Variants in WNT3 observed in about 807,000 individuals in gnomAD.
WNT3 encodes the protein proto-oncogene Wnt-3.
In WNT3, 7 loss-of-function variants were observed where a neutral mutation model predicts 34.2. The observed-to-expected ratio is 0.20, with a 90% CI of 0.12 to 0.38. The LOEUF is 0.38. Ranked by LOEUF, WNT3 falls within the 10% of genes least tolerant of loss-of-function variation. WNT3 has a pLI of 1.00. For synonymous variants in WNT3, 212 were observed against 211.5 expected (o/e 1.00, Z -0.02); for missense variants, 267 against 499.8 (o/e 0.53, Z 4.44).
intron 1 of WNT3, among the ~76,000 whole-genome samples, chr17:46,787,979 G>C (rs2059526101): frequency 2.0e-5 from 3 of 148,746 alleles, no homozygotes; most frequent in African/African-American, 7.4e-5. Flanking sequence ...AAAAAAAGAT[G>C]TAGCCTCCAC....
At chr17:46,772,771 A>T (rs1296565130) in intron 2 of WNT3, among the ~76,000 whole-genome samples, 1 of 151,106 alleles carries the variant, frequency 6.6e-6, no homozygotes, top group South Asian at 2.1e-4. Context: ...TTCCCCCCCA[A>T]CCCCACCCAG....
In WNT3 at chr17:46,769,879, G is replaced by A. The variant is rs764289789; in HGVS notation, c.492C>T (p.Phe164=). The A allele has an allele frequency of 3.7e-6, 6 of 1,613,640 alleles. No individual in the cohort carries two copies. The highest frequency in any genetic ancestry group is 3.3e-5 in the South Asian group (3 of 91,082). Residue 164 remains phenylalanine, a synonymous_variant, in exon 3 of 5, where the codon TTC becomes TTT. Coordinates refer to ENST00000225512, the MANE Select transcript of WNT3 (RefSeq NM_030753.5). ...CGAACTCCCTGGACACTAACACGCC[G>A]AAGTCAGCGTCCTCGCTGCAGCCGC... ...KWGGCSEDAD[F]GVLVSREFAD... is the part of the protein sequence containing the mutation.
In WNT3 at chr17:46,805,873, G is replaced by T. The variant is rs926433454; in HGVS notation, c.80+12645C>A. 7.9e-5 allele frequency among the ~76,000 whole-genome samples: 12 copies of T among 152,334 alleles called. No individual in the cohort carries two copies. In the East Asian group the frequency reaches 2.3e-3, roughly 29 times the overall value. On this transcript the variant is annotated intron_variant, in intron 1 of 4. Coordinates refer to ENST00000225512, the MANE Select transcript of WNT3 (RefSeq NM_030753.5). ...AACTTCCTGGCTGTGGTGTGGTGTG[G>T]TGTCACTGAAGGGCCTGGCTTCAGG... is the stretch of plus-strand genomic sequence containing the variant.
At chr17:46,790,626 CCT>C (rs1171955706) in intron 1 of WNT3, among the ~76,000 whole-genome samples, 2 of 152,168 alleles carry the variant, frequency 1.3e-5, no homozygotes, top group Non-Finnish European at 2.9e-5. Context: ...CAACCCGTCC[CCT>C]GTTTTCCAAC....
At chr17:46,764,968 G>A (rs2095011657) in intron 4 of WNT3, among the ~76,000 whole-genome samples, 1 of 152,268 alleles carries the variant, frequency 6.6e-6, no homozygotes, top group South Asian at 2.1e-4. Context: ...CCAACTCCAA[G>A]TCAACTGCTG....
Position 46,773,819 on chromosome 17 carries a change from G to A in WNT3, c.171C>T (p.Arg57=), listed in dbSNP as rs751215491. 5 of 1,613,440 alleles carry A rather than the reference G, an allele frequency of 3.1e-6. No homozygotes were observed. Among genetic ancestry groups the A allele is most frequent in the East Asian group, 4.5e-5 (2 of 44,898 alleles). ...SIPGLVPKQL[R]FCRNYIEIMP... is the part of the protein sequence containing the mutation. ...TGATCTCGATGTAATTGCGGCAGAA[G>A]CGCAGTTGCTTGGGGACCAGGCCTG... The change falls in exon 2 of 5, where the codon CGC becomes CGT. Residue 57 remains arginine (R), a synonymous_variant. Coordinates refer to ENST00000225512, the MANE Select transcript of WNT3 (RefSeq NM_030753.5).
At chr17:46,782,658 C>T (rs183379475) in intron 1 of WNT3, among the ~76,000 whole-genome samples, 2 of 152,294 alleles carry the variant, frequency 1.3e-5, no homozygotes, top group East Asian at 3.9e-4. Flanking sequence ...GTGTGCACAC[C>T]GTGGGGCTGG....
At chr17:46,809,341 G>A (rs961934246) in intron 1 of WNT3, among the ~76,000 whole-genome samples, 7 of 152,208 alleles carry the variant, frequency 4.6e-5, no homozygotes, top group Non-Finnish European at 2.9e-5. Flanking sequence ...TGGGCCCTGC[G>A]AGATTGGTTT....
At chr17:46,767,823 C>T (rs1383151238) in intron 4 of WNT3, among the ~76,000 whole-genome samples, 4 of 152,188 alleles carry the variant, frequency 2.6e-5, no homozygotes, top group East Asian at 1.9e-4. Flanking sequence ...CTCACTCTGT[C>T]GCCCAGGCTG....
intron 1 of WNT3, among the ~76,000 whole-genome samples, chr17:46,792,444 G>A (rs1273813839): frequency 5.9e-5 from 9 of 152,172 alleles, no homozygotes; most frequent in Non-Finnish European, 8.8e-5. Flanking sequence ...AAGGTAGTAA[G>A]GAGCCTATTC....
intron 1 of WNT3, among the ~76,000 whole-genome samples, chr17:46,810,251 A>G (rs1013940840): frequency 4.4e-4 from 66 of 151,070 alleles, no homozygotes; most frequent in African/African-American, 1.5e-3. Context: ...CAGGTGATCC[A>G]CCCGCCTCGG....
intron 1 of WNT3, among the ~76,000 whole-genome samples, chr17:46,775,313 C>T (rs2059404330): frequency 6.6e-6 from 1 of 152,154 alleles, no homozygotes; most frequent in South Asian, 2.1e-4. Flanking sequence ...GTGCCATGTG[C>T]CTTCCCCCGG....
chr17:46,801,066 T>C (rs1206449764), intron 1 of WNT3, among the ~76,000 whole-genome samples: 1 of 152,230 alleles, frequency 6.6e-6, no homozygotes, highest in African/African-American at 2.4e-5. Context: ...TAGTCTCACA[T>C]GCGTTATATC....
Position 46,810,008 on chromosome 17 carries a change from T to C in WNT3, c.80+8510A>G, listed in dbSNP as rs1449287661. Among the ~76,000 whole-genome samples, 315 of 143,458 alleles carry C rather than the reference T, an allele frequency of 2.2e-3. 1 individual carries two copies. The highest frequency in any genetic ancestry group is 3.2e-3 in the South Asian group (15 of 4,628). The allele number at this position is 143,458 out of a possible 152,430, so 94.1% of individuals were successfully genotyped here. On this transcript the variant is annotated intron_variant, in intron 1 of 4. Transcript: ENST00000225512. The stretch of plus-strand genomic sequence containing the variant: ...CCTCTCCTCTTTTCTTTCTTTCTTT[T>C]TTTTTTTTTTTTTTTGAGACAGAGT...
intron 1 of WNT3, among the ~76,000 whole-genome samples, chr17:46,777,350 G>A (rs938880491): frequency 6.6e-6 from 1 of 152,256 alleles, no homozygotes; most frequent in Non-Finnish European, 1.5e-5. Flanking sequence ...TGGCAAGGCG[G>A]CTCCTCACCC....
At chr17:46,764,989 ACG>A (rs2059300587) in intron 4 of WNT3, among the ~76,000 whole-genome samples, 1 of 152,246 alleles carries the variant, frequency 6.6e-6, no homozygotes, top group Admixed American at 6.5e-5. Context: ...TGCTGGGCTC[ACG>A]CCAGGCATGC....
intron 1 of WNT3, among the ~76,000 whole-genome samples, chr17:46,814,253 C>T (rs1205489021): frequency 1.3e-5 from 2 of 152,232 alleles, no homozygotes; most frequent in Non-Finnish European, 2.9e-5. Flanking sequence ...GTCCCCTTCC[C>T]CCATGCCATC....
At chr17:46,779,103 A>ACACACACCCCC (rs749719578) in intron 1 of WNT3, among the ~76,000 whole-genome samples, 4 of 133,656 alleles carry the variant, frequency 3.0e-5, no homozygotes, top group Admixed American at 2.3e-4. Flanking sequence ...ACACACACAC[A>ACACACACCCCC]CCCCAGCCCA....
chr17:46,787,912 T>C (rs987307671), intron 1 of WNT3, among the ~76,000 whole-genome samples: 1 of 148,380 alleles, frequency 6.7e-6, no homozygotes, highest in Non-Finnish European at 1.5e-5. Flanking sequence ...GCCGAGATTG[T>C]GCCACTGCAC....
Sources: allele counts gnomAD v4.1 joint callset (sites outside exome capture counted in the v4.1 genomes callset), GRCh38; gene constraint gnomAD v4.1.1; transcripts MANE v1.5; gene names NCBI Gene and HGNC (gene_info 2026-07-23, HGNC 2026-07-21).